The following FAM107B variants were observed in gnomAD, a reference collection of about 807,000 sequenced individuals.
FAM107B encodes the protein family with sequence similarity 107 member B.
Under a neutral mutation model 31.5 loss-of-function variants are expected in FAM107B, and 21 were observed. The observed-to-expected ratio is 0.67, with a 90% CI of 0.47 to 0.96. FAM107B has a LOEUF of 0.96. Among genes scored for constraint, FAM107B ranks in the 40% least tolerant of loss-of-function variants. The pLI, the probability that FAM107B is intolerant of heterozygous loss-of-function variation, is 0.00. For synonymous variants in FAM107B, 157 were observed against 141.5 expected, an observed-to-expected ratio of 1.11 and a Z score of -0.78; for missense variants, 452 against 377.1, an observed-to-expected ratio of 1.20 and a Z score of -1.64.
chr10:14,591,817 A>C (rs1374597926), intron 2 of FAM107B, among the ~76,000 whole-genome samples: 1 of 152,166 alleles, frequency 6.6e-6, no homozygotes, highest in Admixed American at 6.5e-5. Flanking sequence ...TTTCATGATA[A>C]CTTCCAGTTT....
intron 3 of FAM107B, chr10:14,527,812 C>A (rs7086173): frequency 0.47 from 105,053 of 224,510 alleles, 24,933 homozygotes; most frequent in Admixed American, 0.56. Flanking sequence ...TATAGTTTGG[C>A]ACTAAAATTT....
At chr10:14,700,325 C>A (rs565226391) in intron 1 of FAM107B, among the ~76,000 whole-genome samples, 9 of 152,246 alleles carry the variant, frequency 5.9e-5, no homozygotes, top group South Asian at 2.1e-4. Flanking sequence ...AGAGAGTCAG[C>A]AAAGCACTGA....
chr10:14,722,805 G>A (rs1018341193), intron 1 of FAM107B, among the ~76,000 whole-genome samples: 1 of 152,002 alleles, frequency 6.6e-6, no homozygotes, highest in Non-Finnish European at 1.5e-5. Context: ...AAGCATGAAA[G>A]TTTTTAATTT....
chr10:14,552,318 T>G (rs1849333241), intron 2 of FAM107B, among the ~76,000 whole-genome samples: 1 of 152,210 alleles, frequency 6.6e-6, no homozygotes, highest in Admixed American at 6.5e-5. Context: ...GAAATACAGC[T>G]AAGAAAGACT....
intron 2 of FAM107B, among the ~76,000 whole-genome samples, chr10:14,543,968 G>A (rs953014229): frequency 4.6e-5 from 7 of 152,126 alleles, no homozygotes; most frequent in Non-Finnish European, 1.0e-4. Flanking sequence ...ACTCACCCCT[G>A]TTCCCAAGAA....
chr10:14,523,766 A>G (rs895703023), intron 3 of FAM107B, among the ~76,000 whole-genome samples: 1 of 152,190 alleles, frequency 6.6e-6, no homozygotes, highest in African/African-American at 2.4e-5. Context: ...ATTCATCTAG[A>G]ATTTCTAAAA....
chr10:14,625,276 G>GTGTA (rs1180256914), intron 2 of FAM107B, among the ~76,000 whole-genome samples: 4 of 150,558 alleles, frequency 2.7e-5, no homozygotes, highest in African/African-American at 9.8e-5. Flanking sequence ...GTGTGTGTGT[G>GTGTA]TGTATGTGTG....
intron 2 of FAM107B, among the ~76,000 whole-genome samples, chr10:14,659,418 G>A (rs1854164315): frequency 6.6e-6 from 1 of 151,322 alleles, no homozygotes. Context: ...TCCAGCCTAG[G>A]TGAAAGAGCA....
At chr10:14,548,286 T>C (rs1172337037) in intron 2 of FAM107B, among the ~76,000 whole-genome samples, 1 of 151,980 alleles carries the variant, frequency 6.6e-6, no homozygotes, top group Non-Finnish European at 1.5e-5. Context: ...GGTCAACAAC[T>C]GGGAACACGG....
At chr10:14,524,868 C>T (rs1056504610) in intron 3 of FAM107B, among the ~76,000 whole-genome samples, 2 of 152,212 alleles carry the variant, frequency 1.3e-5, no homozygotes, top group African/African-American at 4.8e-5. Flanking sequence ...ATGTATGACA[C>T]ATTTGGCTGA....
chr10:14,694,451 T>A (rs1449371229), intron 1 of FAM107B, among the ~76,000 whole-genome samples: 1 of 152,216 alleles, frequency 6.6e-6, no homozygotes, highest in Non-Finnish European at 1.5e-5. Flanking sequence ...TGGTGTGATC[T>A]TGGCTCACTG....
At position 14,527,544 on chromosome 10, in the gene FAM107B, C is replaced by G. The variant is rs74680047; in HGVS notation, c.653+2788G>C. Among the ~76,000 whole-genome samples, 456 of 152,340 alleles carry G rather than the reference C, an allele frequency of 3.0e-3. 5 individuals carry two copies. Among genetic ancestry groups the G allele is most frequent in the African/African-American group, 0.01 (423 of 41,574 alleles). On this transcript the variant is annotated intron_variant, in intron 3 of 4. Coordinates refer to ENST00000181796, the MANE Select transcript of FAM107B (RefSeq NM_031453.4). ...TCTCCACATAAACTTGCTTTTATTT[C>G]TAAACACTATTTCAAAAAACTATTA...
At chr10:14,569,218 A>C (rs1170289368) in intron 2 of FAM107B, among the ~76,000 whole-genome samples, 2 of 152,226 alleles carry the variant, frequency 1.3e-5, no homozygotes, top group African/African-American at 4.8e-5. Context: ...GTGTTATCTG[A>C]ATCCAGAAAA....
At chr10:14,726,087 G>C in intron 1 of FAM107B, among the ~76,000 whole-genome samples, 1 of 151,240 alleles carries the variant, frequency 6.6e-6, no homozygotes, top group Non-Finnish European at 1.5e-5. Context: ...TCCGCCTCCC[G>C]GGTTCAAGCG....
chr10:14,706,445 C>T (rs936404933), intron 1 of FAM107B, among the ~76,000 whole-genome samples: 1 of 152,118 alleles, frequency 6.6e-6, no homozygotes, highest in East Asian at 1.9e-4. Flanking sequence ...CCAGGCTGGT[C>T]TTGAACTCCT....
chr10:14,608,036 G>T (rs1290200068), intron 2 of FAM107B, among the ~76,000 whole-genome samples: 1 of 152,144 alleles, frequency 6.6e-6, no homozygotes, highest in African/African-American at 2.4e-5. Flanking sequence ...GACGTAAAAT[G>T]ATACAAAGCA....
chr10:14,727,465 T>A lies in FAM107B; in HGVS notation c.411+46788A>T, dbSNP rs183454663. ...AGCTGCATGTCTGTGCCATGGGGCA[T>A]CTTCTAGAGCCAAGGAAGAGGATAG... On this transcript the variant is annotated intron_variant, in intron 1 of 4. Coordinates refer to ENST00000181796, the MANE Select transcript of FAM107B (RefSeq NM_031453.4). Among the ~76,000 whole-genome samples, 69 of 152,308 alleles carry A rather than the reference T, an allele frequency of 4.5e-4. 2 individuals carry two copies. In the East Asian group the frequency reaches 0.01, roughly 22 times the overall value.
chr10:14,772,353 T>TAAA (rs201097631), intron 1 of FAM107B, among the ~76,000 whole-genome samples: 5 of 142,950 alleles, frequency 3.5e-5, no homozygotes, highest in African/African-American at 1.4e-4. Context: ...GACTCCATCT[T>TAAA]AAAAAAAAAA....
chr10:14,629,390 T>TTA (rs1853271163), intron 2 of FAM107B, among the ~76,000 whole-genome samples: 2 of 67,338 alleles, frequency 3.0e-5, no homozygotes, highest in African/African-American at 1.3e-4. Flanking sequence ...ATAATATATA[T>TTA]AATATATATT....
Sources: allele counts gnomAD v4.1 joint callset (sites outside exome capture counted in the v4.1 genomes callset), GRCh38; gene constraint gnomAD v4.1.1; transcripts MANE v1.5; gene names NCBI Gene and HGNC (gene_info 2026-07-23, HGNC 2026-07-21).